RGS7: variants seen among roughly 807,000 people sequenced by gnomAD.
RGS7 encodes regulator of G protein signaling 7, also known as regulator of G-protein signaling 7.
In RGS7, 27 loss-of-function variants were observed where a neutral mutation model predicts 81.1. The ratio of observed to expected loss-of-function variants is 0.33; its 90% CI spans 0.25 to 0.46. The LOEUF is 0.46. RGS7 is among the 20% of genes least tolerant of loss of function. The pLI is 1.00. For missense variants in RGS7, 396 were observed against 607.4 expected (o/e 0.65, Z 3.66); for synonymous variants, 208 against 207.7 (o/e 1.00, Z -0.01).
intron 3 of RGS7, among the ~76,000 whole-genome samples, chr1:241,004,429 G>A (rs2058580361): frequency 6.6e-6 from 1 of 152,148 alleles, no homozygotes; most frequent in Non-Finnish European, 1.5e-5. Flanking sequence ...AGTATCTGAA[G>A]TGAGGAAACA....
At chr1:241,337,219 C>T (rs2082290729) in intron 2 of RGS7, among the ~76,000 whole-genome samples, 1 of 152,072 alleles carries the variant, frequency 6.6e-6, no homozygotes, top group Non-Finnish European at 1.5e-5. Context: ...TTCTCTTTTC[C>T]ACCATTCTGT....
At chr1:241,299,820 TA>T (rs10716646) in intron 2 of RGS7, among the ~76,000 whole-genome samples, 136,102 of 143,380 alleles carry the variant, frequency 0.95, 64,844 homozygotes, top group East Asian at 1. Context: ...ATTAGGCCTT[TA>T]AAAAAAAAAA....
intron 13 of RGS7, 74 bp downstream of exon 13, chr1:240,813,544 A>C: frequency 1.1e-6 from 1 of 898,874 alleles, no homozygotes; most frequent in Non-Finnish European, 1.9e-6. Context: ...TTAGCCAACA[A>C]TAAAATCCTT....
chr1:241,340,487 C>A (rs934006700), intron 2 of RGS7, among the ~76,000 whole-genome samples: 9 of 152,108 alleles, frequency 5.9e-5, no homozygotes, highest in African/African-American at 2.2e-4. Flanking sequence ...TTATAAGATT[C>A]TTCAGGAGAT....
intron 18 of RGS7, among the ~76,000 whole-genome samples, chr1:240,779,099 TTG>T (rs71172643): frequency 0.07 from 10,058 of 144,100 alleles, 370 homozygotes; most frequent in East Asian, 0.13. Context: ...TTAGTGTTCT[TTG>T]TGTGTGTGTG....
chr1:241,327,150 A>AGAAAG (rs1558321973), intron 2 of RGS7, among the ~76,000 whole-genome samples: 6 of 100,378 alleles, frequency 6.0e-5, no homozygotes, highest in East Asian at 2.8e-4. Context: ...AAGAAAGGAA[A>AGAAAG]GAAAGAAAGA....
At chr1:240,947,455 C>T (rs572888524) in intron 4 of RGS7, among the ~76,000 whole-genome samples, 1 of 152,262 alleles carries the variant, frequency 6.6e-6, no homozygotes, top group Admixed American at 6.5e-5. Flanking sequence ...TTCTTCTCAC[C>T]TGAGTTAATA....
intron 14 of RGS7, among the ~76,000 whole-genome samples, chr1:240,810,721 T>A (rs993132598): frequency 1.3e-5 from 2 of 152,222 alleles, no homozygotes; most frequent in African/African-American, 4.8e-5. Context: ...AGTGCTGGGA[T>A]TATAGGCGTG....
intron 2 of RGS7, among the ~76,000 whole-genome samples, chr1:241,214,909 T>G (rs939115392): frequency 6.6e-6 from 1 of 152,328 alleles, no homozygotes; most frequent in East Asian, 1.9e-4. Context: ...ATCCTAACTA[T>G]GGATACTATA....
intron 9 of RGS7, among the ~76,000 whole-genome samples, chr1:240,841,349 AAC>A (rs1360272933): frequency 6.6e-6 from 1 of 152,178 alleles, no homozygotes; most frequent in Non-Finnish European, 1.5e-5. Flanking sequence ...TCCAAGGACA[AAC>A]AAAATCTGTG....
intron 18 of RGS7, among the ~76,000 whole-genome samples, chr1:240,793,901 C>T (rs951756267): frequency 9.2e-5 from 14 of 152,038 alleles, no homozygotes; most frequent in Middle Eastern, 6.8e-3. Flanking sequence ...CGTGAGCCAC[C>T]GTGCCCAGCC....
chr1:241,243,081 A>G (rs1308512739), intron 2 of RGS7, among the ~76,000 whole-genome samples: 1 of 151,982 alleles, frequency 6.6e-6, no homozygotes, highest in African/African-American at 2.4e-5. Flanking sequence ...CCCCAACCCA[A>G]CTTTGATTTC....
intron 4 of RGS7, among the ~76,000 whole-genome samples, chr1:240,976,988 C>A (rs1292818491): frequency 6.6e-6 from 1 of 151,376 alleles, no homozygotes; most frequent in Non-Finnish European, 1.5e-5. Flanking sequence ...TATCATCTAT[C>A]ATTTATCTAT....
At chr1:240,802,695 G>GAAAC (rs1024972861) in intron 16 of RGS7, among the ~76,000 whole-genome samples, 1 of 152,058 alleles carries the variant, frequency 6.6e-6, no homozygotes, top group South Asian at 2.1e-4. Context: ...AACATCTGCA[G>GAAAC]AAACAAACAA....
At chr1:240,988,742 A>G (rs1403138335) in intron 3 of RGS7, among the ~76,000 whole-genome samples, 1 of 152,172 alleles carries the variant, frequency 6.6e-6, no homozygotes, top group Non-Finnish European at 1.5e-5. Context: ...CCCTTGATCT[A>G]AGAAATCTCA....
chr1:241,292,109 C>A (rs7539742), intron 2 of RGS7, among the ~76,000 whole-genome samples: 1 of 152,038 alleles, frequency 6.6e-6, no homozygotes, highest in Non-Finnish European at 1.5e-5. Flanking sequence ...TCTTCAGAGG[C>A]GGTAATATGC....
chr1:241,083,225 CA>C (rs11304590), intron 3 of RGS7, among the ~76,000 whole-genome samples: 24,662 of 75,252 alleles, frequency 0.33, 1,247 homozygotes, highest in East Asian at 0.43. Flanking sequence ...GACTCTGTCT[CA>C]AAAAAAAAAA....
intron 6 of RGS7, among the ~76,000 whole-genome samples, chr1:240,897,276 T>C (rs544690857): frequency 5.0e-4 from 76 of 152,318 alleles, no homozygotes; most frequent in Non-Finnish European, 1.0e-3. Context: ...CCTTTATTTC[T>C]TTCTCCTGCC....
chr1:241,168,254 TA>T (rs750727420), intron 2 of RGS7, among the ~76,000 whole-genome samples: 1 of 152,148 alleles, frequency 6.6e-6, no homozygotes. Context: ...TCAGGAGGGA[TA>T]AAGGGGGGAC....
Sources: gnomAD v4.1 joint callset for allele counts (sites outside exome capture counted in the v4.1 genomes callset) on GRCh38, gnomAD v4.1.1 for gene constraint, MANE v1.5 for transcripts, NCBI Gene and HGNC (gene_info 2026-07-23, HGNC 2026-07-21) for gene names.